LRP4: variants seen among roughly 807,000 people sequenced by gnomAD.
LRP4 encodes LDL receptor related protein 4.
LRP4 carries 95 observed loss-of-function variants against 220.3 expected under a neutral mutation model. The observed-to-expected ratio is 0.43, with a 90% CI of 0.37 to 0.51. LRP4 has a LOEUF of 0.51. Among genes scored for constraint, LRP4 ranks in the 20% least tolerant of loss-of-function variants. The pLI, the probability that LRP4 is intolerant of heterozygous loss-of-function variation, is 0.00. For missense variants in LRP4, 1,925 were observed against 2,567.0 expected (o/e 0.75, Z 5.40); for synonymous variants, 903 against 954.6 (o/e 0.95, Z 1.00).
chr11:46,900,086 C>T (rs1941634100), intron 3 of LRP4, 110 bp from the exon 4 acceptor site: 4 of 1,029,416 alleles, frequency 3.9e-6, no homozygotes, highest in Admixed American at 3.6e-5. Context: ...GCCCTGAGGG[C>T]TCCGAAGGAG....
intron 34 of LRP4, among the ~76,000 whole-genome samples, chr11:46,866,262 A>ATTAT (rs958566850): frequency 1.3e-5 from 2 of 150,834 alleles, no homozygotes; most frequent in African/African-American, 4.9e-5. Context: ...GTATTTCCAG[A>ATTAT]TTATTTATTT....
intron 32 of LRP4, 110 bp downstream of exon 32, chr11:46,868,878 A>T: frequency 6.7e-7 from 1 of 1,490,640 alleles, no homozygotes; most frequent in Non-Finnish European, 9.4e-7. Flanking sequence ...TTAAAATGTG[A>T]ACCAAGAAGC....
intron 18 of LRP4, 145 bp from the exon 19 acceptor site, chr11:46,884,121 T>C: frequency 1.4e-6 from 1 of 690,028 alleles, no homozygotes; most frequent in South Asian, 1.5e-5. Context: ...ACAACGGAAA[T>C]TTAGTGACTT....
Position 46,883,955 on chromosome 11 carries a change from G to A in LRP4, c.2528C>T (p.Ala843Val). ...TGTTCTCATGCTGCCATCTGTGTTG[G>A]CTACTTCAATCCGGTCTGTACCTAT... The part of the protein sequence containing the change: ...TDAGTDRIEV[A>V]NTDGSMRTVL... The change falls in exon 19 of 38, where the codon GCC becomes GTC. Residue 843 changes from alanine to valine, a missense_variant. This residue lies in a region of LRP4 where 1,244 missense variants were observed against 1,624.9 expected (regional missense o/e 0.77). Coordinates refer to ENST00000378623, the MANE Select transcript of LRP4 (RefSeq NM_002334.4). 6.2e-7 allele frequency: 1 copy of A among 1,614,044 alleles called. No homozygotes were observed. The highest frequency in any genetic ancestry group is 8.5e-7 in the Non-Finnish European group (1 of 1,179,908).
rs759858247 is a variant in LRP4, at chr11:46,876,654, G to A, written c.3365-17C>T. On this transcript the variant is annotated splice_polypyrimidine_tract_variant and intron_variant, in intron 24 of 37. Coordinates refer to ENST00000378623, the MANE Select transcript of LRP4 (RefSeq NM_002334.4). Reference sequence around the variant, plus strand: ...TCTGTAGCCCTGTGGGAAGTCAAAAGAGCACACTGGCTCCTATTTTAAAAC... The same window carrying A: ...TCTGTAGCCCTGTGGGAAGTCAAAAAAGCACACTGGCTCCTATTTTAAAAC... The A allele has an allele frequency of 6.2e-7, 1 of 1,614,172 alleles. No homozygotes were observed. Among genetic ancestry groups the A allele is most frequent in the Non-Finnish European group, 8.5e-7 (1 of 1,180,036 alleles).
intron 1 of LRP4, among the ~76,000 whole-genome samples, chr11:46,904,137 C>G (rs1436949723): frequency 3.9e-5 from 6 of 152,216 alleles, no homozygotes; most frequent in Non-Finnish European, 8.8e-5. Context: ...GAGGGGGCCG[C>G]AGCGCATGGC....
At position 46,900,221 on chromosome 11, in the gene LRP4, G is replaced by A. The variant is rs375258387; in HGVS notation, c.316+41C>T. ...TTCTGATTGAAAATCCTTTCCCAGT[G>A]GAACTCAATGGAGTTCCGCCCAGCC... On this transcript the variant is annotated intron_variant, in intron 3 of 37. Transcript: ENST00000378623. 57 of 1,443,254 alleles carry A rather than the reference G, an allele frequency of 3.9e-5. No individual in the cohort carries two copies. In the African/African-American group the frequency reaches 6.7e-4, roughly 17 times the overall value. The allele number at this position is 1,443,254 out of a possible 1,614,324, so 89.4% of individuals were successfully genotyped here. A position where few individuals can be genotyped will look rare whatever the true frequency, so the allele number is the denominator to read the frequency against.
rs571418643 is a variant in LRP4, at chr11:46,873,454, G to C, written c.4369C>G (p.Leu1457Val). Residue 1457 changes from leucine to valine, a missense_variant, in exon 29 of 38, where the codon CTG becomes GTG. Around this residue, in one of 3 missense-constraint regions of LRP4, gnomAD observed 1,244 missense variants for 1,624.9 expected, o/e 0.77. Transcript: ENST00000378623. This position sits in a 1 kb window ranked among gnomAD's most constrained non-coding sequence, Gnocchi z 4.2. ...AGTACTTTGCGGCAGGAACCATCCAGCCTGGACGCCTCAATGGTATTTCGA... is the reference window on the plus strand; with the variant it reads ...AGTACTTTGCGGCAGGAACCATCCACCCTGGACGCCTCAATGGTATTTCGA... ...TGRNTIEASR[L>V]DGSCRKVLIN... The C allele has an allele frequency of 2.5e-6, 4 of 1,614,186 alleles. 1 individual carries two copies. In the Admixed American group the frequency reaches 5.0e-5, roughly 20 times the overall value.
rs753070046 is a variant in LRP4 at position 46,875,063 on chromosome 11, G to A, written c.3966C>T (p.His1322=). ...AGCCAGAAGGCCGAGGCAAGCAGAG[G>A]TGGGAGCAGCCGCCATTTCTCGAGC... The part of the protein sequence containing the change: ...KCGSRNGGCS[H]LCLPRPSGFS... Residue 1322 remains histidine (H), a synonymous_variant, in exon 28 of 38, where the codon CAC becomes CAT. Transcript: ENST00000378623. This position sits in a 1 kb window ranked among gnomAD's most constrained non-coding sequence, Gnocchi z 4.5. 6.2e-7 allele frequency: 1 copy of A among 1,613,200 alleles called. No homozygotes were observed. The highest frequency in any genetic ancestry group is 8.5e-7 in the Non-Finnish European group (1 of 1,180,020).
chr11:46,881,955 G>A (rs1040515070), intron 19 of LRP4, 52 bp from the exon 20 acceptor site: 7 of 1,565,408 alleles, frequency 4.5e-6, no homozygotes, highest in Admixed American at 1.7e-5. Context: ...ATATCCAGCA[G>A]GGACTCAGAG....
intron 13 of LRP4, among the ~76,000 whole-genome samples, chr11:46,892,053 C>A (rs529777898): frequency 2.1e-4 from 32 of 152,308 alleles, no homozygotes; most frequent in African/African-American, 7.2e-4. Flanking sequence ...ACCTCAGCCT[C>A]CCACGTAGCT....
Position 46,874,829 on chromosome 11 carries a change from A to G in LRP4, c.4200T>C (p.Tyr1400=). 6.2e-7 allele frequency: 1 copy of G among 1,614,100 alleles called. No individual in the cohort carries two copies. The highest frequency in any genetic ancestry group is 8.5e-7 in the Non-Finnish European group (1 of 1,179,936). The change falls in exon 28 of 38, where the codon TAT becomes TAC. Residue 1400 remains tyrosine, a synonymous_variant. Coordinates refer to ENST00000378623, the MANE Select transcript of LRP4 (RefSeq NM_002334.4). The part of the protein sequence containing the change: ...LDYDSVDGKV[Y]YTDVFLDVIR... ...TAACATCCAGGAACACATCTGTGTA[A>G]TAGACCTTTCCATCCACGCTGTCAT...
chr11:46,884,041 C>A, intron 18 of LRP4, 65 bp from the exon 19 acceptor site: 1 of 1,292,880 alleles, frequency 7.7e-7, no homozygotes, highest in Non-Finnish European at 1.1e-6. Context: ...CTTCCATGGC[C>A]AACACAAGAG....
In LRP4 at chr11:46,898,095, G is replaced by A. The variant is rs138945672; in HGVS notation, c.796+463C>T. 2.2e-3 allele frequency among the ~76,000 whole-genome samples: 319 copies of A among 147,040 alleles called. 2 individuals are homozygous for A. The highest frequency in any genetic ancestry group is 7.2e-3 in the African/African-American group (286 of 39,810). On this transcript the variant is annotated intron_variant, in intron 7 of 37. Transcript: ENST00000378623. ...TCCCGGACGGGGTGGCTGACCGGGC[G>A]GGGGGCTGACCCCCCCACCTCCCTC...
intron 18 of LRP4, among the ~76,000 whole-genome samples, chr11:46,884,871 C>A (rs1048091852): frequency 6.6e-6 from 1 of 152,056 alleles, no homozygotes; most frequent in Non-Finnish European, 1.5e-5. Flanking sequence ...GAGATTGCGC[C>A]GCTGCACTCC....
chr11:46,868,923 G>T (rs145487698), intron 32 of LRP4, 65 bp downstream of exon 32: 1 of 1,606,670 alleles, frequency 6.2e-7, no homozygotes, highest in East Asian at 2.2e-5. Flanking sequence ...GTCCCTAACA[G>T]TCCTTGGGTT....
At position 46,868,970 on chromosome 11, in the gene LRP4, C is replaced by T. The variant is rs1273534548; in HGVS notation, c.4837+18G>A. On this transcript the variant is annotated intron_variant, in intron 32 of 37. Coordinates refer to ENST00000378623, the MANE Select transcript of LRP4 (RefSeq NM_002334.4). ...CCCACAGATGTTAAGGAAGCAGGCT[C>T]AGTACCCGGGAGCCCACCTGTCTGC... The T allele has an allele frequency of 3.1e-6, 5 of 1,614,150 alleles. No individual in the cohort carries two copies. The highest frequency in any genetic ancestry group is 1.7e-5 in the Admixed American group (1 of 60,024).
chr11:46,897,354 A>ATTTTTTTT (rs1941557924), intron 7 of LRP4, among the ~76,000 whole-genome samples: 1 of 87,598 alleles, frequency 1.1e-5, no homozygotes. Context: ...TTTTCTTTTT[A>ATTTTTTTT]TTTTTTTATT....
At chr11:46,895,080 C>T in intron 11 of LRP4, 86 bp downstream of exon 11, 1 of 1,550,922 alleles carries the variant, frequency 6.4e-7, no homozygotes, top group Non-Finnish European at 8.8e-7. Context: ...CTCTCTACCT[C>T]TCTGCAAATC....
Sources: gnomAD v4.1 joint callset for allele counts (sites outside exome capture counted in the v4.1 genomes callset) on GRCh38, gnomAD v4.1.1 for gene constraint, gnomAD v4.1.1 regional missense constraint, Gnocchi (gnomAD v3.1) non-coding constraint, MANE v1.5 for transcripts, NCBI Gene and HGNC (gene_info 2026-07-23, HGNC 2026-07-21) for gene names.